Variants in TSC2 observed in about 807,000 individuals in gnomAD.
The protein encoded by TSC2 is tuberin.
TSC2 carries 29 observed loss-of-function variants against 202.2 expected under a neutral mutation model. The ratio of observed to expected loss-of-function variants is 0.14; its 90% confidence interval spans 0.11 to 0.20. TSC2 has a LOEUF of 0.20. Ranked by LOEUF, TSC2 falls within the 10% of genes least tolerant of loss-of-function variation. The pLI, the probability that TSC2 is intolerant of heterozygous loss-of-function variation, is 1.00. For missense variants in TSC2, 2,429 were observed against 2,420.0 expected (o/e 1.00, Z -0.08); for synonymous variants, 1,349 against 1,044.0 (o/e 1.29, Z -5.63).
In TSC2 at chr16:2,054,395, C is replaced by G. The variant is rs997604465; in HGVS notation, c.436C>G (p.Leu146Val). Residue 146 changes from leucine to valine, a missense_variant, in exon 5 of 42, where the codon CTC (leucine) becomes GTC (valine). Coordinates refer to ENST00000219476, the MANE Select transcript of TSC2 (RefSeq NM_000548.5). The stretch of plus-strand genomic sequence containing the variant: ...CGAAAGGCTGGAGGTTTTCAAGGCC[C>G]TCACAGACAATGGGAGACACATCAC... ...LHERLEVFKALTDNGRHITYL... is the reference protein window; with the variant it reads ...LHERLEVFKAVTDNGRHITYL... 6.2e-7 allele frequency: 1 copy of G among 1,614,228 alleles called. No homozygotes were observed. The highest frequency in any genetic ancestry group is 8.5e-7 in the Non-Finnish European group (1 of 1,180,036).
chr16:2,064,593 C>A, intron 15 of TSC2, 166 bp downstream of exon 15: 1 of 991,754 alleles, frequency 1.0e-6, no homozygotes, highest in South Asian at 1.5e-5. Context: ...GCAGGGCCTG[C>A]CACTGCTGGA....
At chr16:2,068,366 A>G (rs926447471) in intron 16 of TSC2, among the ~76,000 whole-genome samples, 3 of 152,112 alleles carry the variant, frequency 2.0e-5, no homozygotes, top group Admixed American at 6.6e-5. Context: ...GTTATAATTG[A>G]AAAGTAACAC....
In TSC2 at chr16:2,060,798, C is replaced by T. The variant is rs1352216421; in HGVS notation, c.1104C>T (p.Leu368=). 1 of 1,613,586 alleles carries T rather than the reference C, an allele frequency of 6.2e-7. No homozygotes were observed. Among genetic ancestry groups the T allele is most frequent in the African/African-American group, 1.3e-5 (1 of 74,918 alleles). The change falls in exon 11 of 42, where the codon CTC becomes CTT. Residue 368 remains leucine (L), a synonymous_variant. Coordinates refer to ENST00000219476, the MANE Select transcript of TSC2 (RefSeq NM_000548.5). ...TTCTGCTGAACATCATCGAACGGCT[C>T]CTTCAGCAGCTCCAGGTGGGGTGGG... is the stretch of plus-strand genomic sequence containing the variant. The part of the protein sequence containing the change: ...WDILLNIIER[L]LQQLQTLDSP...
intron 16 of TSC2, among the ~76,000 whole-genome samples, chr16:2,067,153 A>AT (rs891772963): frequency 4.3e-4 from 63 of 145,622 alleles, no homozygotes; most frequent in Non-Finnish European, 7.8e-4. Context: ...AGTGGTGATG[A>AT]TTTTTTTTTT....
At chr16:2,062,880 C>T (rs754311301) in intron 13 of TSC2, 92 bp from the exon 14 acceptor site, 6 of 1,422,298 alleles carry the variant, frequency 4.2e-6, no homozygotes, top group Middle Eastern at 2.4e-4. Context: ...CGGGAGGACC[C>T]AGAGTCGGGC....
At chr16:2,080,685 T>C (rs9936277) in intron 30 of TSC2, 12,427 of 373,718 alleles carry the variant, frequency 0.033, 582 homozygotes, top group African/African-American at 0.14. Flanking sequence ...GGGGTTTCAC[T>C]GTGTTAGCCA....
At position 2,056,301 on chromosome 16, in the gene TSC2, G is replaced by A. The variant is rs1275914562; in HGVS notation, c.648+57G>A. On this transcript the variant is annotated intron_variant, in intron 7 of 41. Transcript: ENST00000219476. ...TTTCACCCTGGTTTCTGGGAGGCTG[G>A]GGCTTGGGGGTTGAGCCCTGTGTGC... is the stretch of plus-strand genomic sequence containing the variant. 1.5e-5 allele frequency: 24 copies of A among 1,609,508 alleles called. No homozygotes were observed. The Admixed American group carries it at 3.5e-4, about 24-fold the overall frequency.
At chr16:2,072,070 C>G (rs1251227652) in intron 19 of TSC2, 136 bp downstream of exon 19, 2 of 1,481,668 alleles carry the variant, frequency 1.3e-6, no homozygotes, top group African/African-American at 2.8e-5. Context: ...CTTCCCCCTT[C>G]CCCGAGCAGC....
intron 2 of TSC2, among the ~76,000 whole-genome samples, chr16:2,049,713 C>T (rs1447357429): frequency 1.3e-5 from 2 of 151,428 alleles, no homozygotes; most frequent in African/African-American, 4.8e-5. Flanking sequence ...GTAATTCCAG[C>T]TACTCGGGGG....
At chr16:2,081,215 C>CTTT in intron 30 of TSC2, 1 of 359,200 alleles carries the variant, frequency 2.8e-6, no homozygotes, top group Non-Finnish European at 5.4e-6. Context: ...AGGGAGCCCC[C>CTTT]GCAGAGGCCC....
chr16:2,080,182 G>A lies in TSC2; in HGVS notation c.3415G>A (p.Val1139Ile), dbSNP rs759174655. The A allele has an allele frequency of 3.7e-6, 6 of 1,612,872 alleles. No homozygotes were observed. The highest frequency in any genetic ancestry group is 5.1e-6 in the Non-Finnish European group (6 of 1,180,014). ...TTCTTCAGGGGGCCATGGTCTTCGA[G>A]TTGGCGCCCTGGACGTGCCGGCCTC... ...RSMSGGHGLRVGALDVPASQF... is the reference protein window; with the variant it reads ...RSMSGGHGLRIGALDVPASQF... The change falls in exon 30 of 42, where the codon GTT becomes ATT. Residue 1139 changes from valine to isoleucine, a missense_variant. Coordinates refer to ENST00000219476, the MANE Select transcript of TSC2 (RefSeq NM_000548.5).
In TSC2 at chr16:2,086,797, C is replaced by T. The variant is rs1555438551; in HGVS notation, c.4915C>T (p.Arg1639Cys). 5 of 1,611,324 alleles carry T rather than the reference C, an allele frequency of 3.1e-6. No homozygotes were observed. Among genetic ancestry groups the T allele is most frequent in the African/African-American group, 1.3e-5 (1 of 74,884 alleles). ...DVDKHRCDKKRHLGNDFVSIV... is the reference protein window; with the variant it reads ...DVDKHRCDKKCHLGNDFVSIV... ...GGACAAGCACCGCTGCGACAAGAAG[C>T]GCCACCTGGGCAACGACTTTGTGTC... is the stretch of plus-strand genomic sequence containing the variant. Residue 1639 changes from arginine (R) to cysteine (C), a missense_variant, in exon 38 of 42, where the codon CGC becomes TGC. By Grantham distance (180) the Arg-to-Cys change is radical. Transcript: ENST00000219476.
At chr16:2,077,305 G>A in intron 25 of TSC2, 1 of 439,540 alleles carries the variant, frequency 2.3e-6, no homozygotes, top group Non-Finnish European at 4.3e-6. Context: ...TCTGCCGTGG[G>A]GGTGACCCAC....
intron 16 of TSC2, among the ~76,000 whole-genome samples, chr16:2,068,993 G>T (rs1411123419): frequency 6.6e-6 from 1 of 152,146 alleles, no homozygotes; most frequent in African/African-American, 2.4e-5. Flanking sequence ...GACTGAGGAG[G>T]AAGGAGAGGA....
At chr16:2,073,353 C>G (rs1189741596) in intron 21 of TSC2, among the ~76,000 whole-genome samples, 1 of 152,230 alleles carries the variant, frequency 6.6e-6, no homozygotes, top group Non-Finnish European at 1.5e-5. Context: ...GCTTCTGCCT[C>G]CCTCCACGCC....
chr16:2,072,749 C>T, intron 20 of TSC2, 100 bp from the exon 21 acceptor site: 1 of 1,593,252 alleles, frequency 6.3e-7, no homozygotes, highest in Non-Finnish European at 8.6e-7. Flanking sequence ...CCCCTTTGCC[C>T]CCTTTCCTGG....
At chr16:2,082,044 A>C (rs1191989206) in intron 31 of TSC2, 2 of 633,822 alleles carry the variant, frequency 3.2e-6, no homozygotes, top group Non-Finnish European at 5.6e-6. Context: ...TCTGCCCAGC[A>C]TCCTCCGTGG....
chr16:2,072,506 T>C (rs898808009), intron 20 of TSC2, 143 bp downstream of exon 20: 2 of 1,367,916 alleles, frequency 1.5e-6, no homozygotes, highest in Non-Finnish European at 2.0e-6. Flanking sequence ...GGAGCGCAGA[T>C]TGTGCCTTGG....
At chr16:2,069,755 C>G (rs533688199) in intron 16 of TSC2, among the ~76,000 whole-genome samples, 30 of 152,204 alleles carry the variant, frequency 2.0e-4, no homozygotes, top group Non-Finnish European at 3.5e-4. Context: ...GCTGGGATTA[C>G]AGGCGTGAGC....
Sources: gnomAD v4.1 joint callset for allele counts (sites outside exome capture counted in the v4.1 genomes callset) on GRCh38, gnomAD v4.1.1 for gene constraint, MANE v1.5 for transcripts, NCBI Gene and HGNC (gene_info 2026-07-23, HGNC 2026-07-21) for gene names.